Variants in ZNF704 observed in about 807,000 individuals in gnomAD.
The protein encoded by ZNF704 is glucocorticoid induced gene 1.
ZNF704 carries 10 observed loss-of-function variants against 44.7 expected under a neutral mutation model. The observed-to-expected ratio is 0.22, with a 90% CI of 0.14 to 0.38. ZNF704 has a LOEUF of 0.38. ZNF704 is among the 10% of genes least tolerant of loss of function. The pLI is 1.00. For synonymous variants in ZNF704, 211 were observed against 207.6 expected (o/e 1.02, Z -0.14); for missense variants, 390 against 545.5 (o/e 0.71, Z 2.84).
At chr8:80,879,608 A>G (rs1389873854), upstream of ZNF704, among the ~76,000 whole-genome samples, 2 of 152,108 alleles carry the variant, frequency 1.3e-5, no homozygotes, top group African/African-American at 4.8e-5. Flanking sequence ...CCTTAATTTC[A>G]TGAGCCTTCC....
At chr8:80,659,789 T>C (rs1291722677) in intron 6 of ZNF704, 100 bp from the exon 7 acceptor site, 3 of 1,004,380 alleles carry the variant, frequency 3.0e-6, no homozygotes, top group Non-Finnish European at 4.6e-6. Context: ...TGGTCTCAGC[T>C]ATATTAATAA....
intron 7 of ZNF704, among the ~76,000 whole-genome samples, chr8:80,650,858 T>C (rs1310552203): frequency 1.2e-4 from 19 of 152,230 alleles, no homozygotes; most frequent in Middle Eastern, 3.4e-3. Flanking sequence ...CCAAGACACA[T>C]AATTGTCAGA....
In ZNF704 at chr8:80,793,258, G is replaced by A. The variant is rs80307483; in HGVS notation, c.221+28116C>T. Among the ~76,000 whole-genome samples, 295 of 152,226 alleles carry A rather than the reference G, an allele frequency of 1.9e-3. 1 individual carries two copies. The highest frequency in any genetic ancestry group is 6.8e-3 in the African/African-American group (282 of 41,538). On this transcript the variant is annotated intron_variant, in intron 2 of 8. Coordinates refer to ENST00000327835, the MANE Select transcript of ZNF704 (RefSeq NM_001033723.3). The stretch of plus-strand genomic sequence containing the variant: ...TAAGGAGCAATTGACATGGGAACAC[G>A]GGAGAAAAAGTGCGTGTGGAGAAGA...
rs1035367975 is a variant in ZNF704, at chr8:80,667,651, G to A, written c.660-2569C>T. On this transcript the variant is annotated intron_variant, in intron 5 of 8. Coordinates refer to ENST00000327835, the MANE Select transcript of ZNF704 (RefSeq NM_001033723.3). ...CATCATGTGTCACTCCACACACATC[G>A]GTGTATTTGGCAGAGGGTAGGTACC... Among the ~76,000 whole-genome samples, 6 of 152,160 alleles carry A rather than the reference G, an allele frequency of 3.9e-5. No individual in the cohort carries two copies. The South Asian group carries it at 6.2e-4, about 16-fold the overall frequency.
intron 1 of ZNF704, among the ~76,000 whole-genome samples, chr8:80,872,616 C>A (rs1452880872): frequency 6.6e-6 from 1 of 152,206 alleles, no homozygotes; most frequent in Admixed American, 6.5e-5. Context: ...TTGCTGCCCT[C>A]AAAACTTCTT....
chr8:80,866,954 T>C (rs1809165821), intron 1 of ZNF704, among the ~76,000 whole-genome samples: 2 of 152,136 alleles, frequency 1.3e-5, no homozygotes, highest in Non-Finnish European at 2.9e-5. Flanking sequence ...AGGGTAGGGC[T>C]TGACTTCTTG....
chr8:80,763,996 T>C (rs560818376), intron 2 of ZNF704, among the ~76,000 whole-genome samples: 16 of 152,358 alleles, frequency 1.1e-4, no homozygotes, highest in Non-Finnish European at 1.5e-4. Flanking sequence ...CTGGACTTCA[T>C]TGTCCACATC....
chr8:80,763,612 G>A (rs1436894062), intron 2 of ZNF704, among the ~76,000 whole-genome samples: 3 of 152,194 alleles, frequency 2.0e-5, no homozygotes, highest in Non-Finnish European at 2.9e-5. Flanking sequence ...GATGAGAGGG[G>A]CTCCCGTGAA....
At chr8:80,863,962 C>A (rs1446115134) in intron 1 of ZNF704, among the ~76,000 whole-genome samples, 2 of 152,142 alleles carry the variant, frequency 1.3e-5, no homozygotes, top group Non-Finnish European at 2.9e-5. Context: ...AATTCTGTTA[C>A]AACAACACTT....
chr8:80,663,053 G>T lies in ZNF704; in HGVS notation c.927+1762C>A, dbSNP rs188530937. ...AAAAATATTTTCTTAAAATTTGAATGTATTAACATTGTATAAAAACAAATC... is the reference window on the plus strand; with the variant it reads ...AAAAATATTTTCTTAAAATTTGAATTTATTAACATTGTATAAAAACAAATC... On this transcript the variant is annotated intron_variant, in intron 6 of 8. Coordinates refer to ENST00000327835, the MANE Select transcript of ZNF704 (RefSeq NM_001033723.3). Among the ~76,000 whole-genome samples, 863 of 152,240 alleles carry T rather than the reference G, an allele frequency of 5.7e-3. 3 individuals are homozygous for T. Among genetic ancestry groups the T allele is most frequent in the Middle Eastern group, 0.014 (4 of 294 alleles).
At chr8:80,708,629 C>T (rs1421619394) in intron 2 of ZNF704, among the ~76,000 whole-genome samples, 3 of 152,228 alleles carry the variant, frequency 2.0e-5, no homozygotes, top group African/African-American at 7.2e-5. Context: ...ATTTCCACCT[C>T]TGCTAATAAT....
chr8:80,802,483 T>C (rs770714407), intron 2 of ZNF704, among the ~76,000 whole-genome samples: 3 of 152,184 alleles, frequency 2.0e-5, no homozygotes, highest in Admixed American at 1.3e-4. Context: ...ACAGAAAGCT[T>C]ATCCACCACA....
chr8:80,878,311 A>AG (rs1464879388), upstream of ZNF704, among the ~76,000 whole-genome samples: 4 of 149,806 alleles, frequency 2.7e-5, no homozygotes, highest in South Asian at 4.3e-4. Flanking sequence ...GAAGGAAGGA[A>AG]GAAAATCAGG....
intron 1 of ZNF704, among the ~76,000 whole-genome samples, chr8:80,832,299 C>G (rs1022612142): frequency 6.6e-6 from 1 of 152,068 alleles, no homozygotes; most frequent in African/African-American, 2.4e-5. Context: ...GATGCAACTT[C>G]CTAAGACAGG....
chr8:80,632,160 G>GT lies in ZNF704; in HGVS notation c.*9205dup, dbSNP rs1002810830. The GT allele has an allele frequency of 1.1e-4, 16 of 152,182 alleles. No homozygotes were observed. The highest frequency in any genetic ancestry group is 1.5e-4 in the Non-Finnish European group (10 of 68,004). 9.4% of individuals were successfully genotyped at this position (152,182 alleles called of 1,614,324 possible). A position where few individuals can be genotyped will look rare whatever the true frequency, so the allele number is the denominator to read the frequency against. On this transcript the variant is annotated 3_prime_UTR_variant, in exon 9 of 9. Coordinates refer to ENST00000327835, the MANE Select transcript of ZNF704 (RefSeq NM_001033723.3). The stretch of plus-strand genomic sequence containing the variant: ...TCAGAAGAAATAGATGAGCACCTTT[G>GT]TTTTTTTCTGTTTAAAGGAAATTTC...
At chr8:80,818,958 A>C (rs1808219820) in intron 2 of ZNF704, among the ~76,000 whole-genome samples, 1 of 152,196 alleles carries the variant, frequency 6.6e-6, no homozygotes, top group Admixed American at 6.5e-5. Flanking sequence ...ATTATAATCC[A>C]CAATGCTTGA....
intron 1 of ZNF704, among the ~76,000 whole-genome samples, chr8:80,841,138 GGTA>G (rs1808671129): frequency 6.6e-6 from 1 of 152,122 alleles, no homozygotes; most frequent in African/African-American, 2.4e-5. Flanking sequence ...CAGATGCCTG[GGTA>G]GCACCAGGAA....
intron 2 of ZNF704, among the ~76,000 whole-genome samples, chr8:80,802,776 CACAAG>C (rs1807923754): frequency 6.6e-6 from 1 of 152,140 alleles, no homozygotes. Flanking sequence ...TGAAAACCAA[CACAAG>C]ACAAGTATGC....
At chr8:80,649,939 C>T (rs1440878112) in intron 7 of ZNF704, among the ~76,000 whole-genome samples, 2 of 152,156 alleles carry the variant, frequency 1.3e-5, no homozygotes, top group Non-Finnish European at 2.9e-5. Context: ...ACACCTCACA[C>T]GGCCGGGTAC....
Sources: allele counts gnomAD v4.1 joint callset (sites outside exome capture counted in the v4.1 genomes callset), GRCh38; gene constraint gnomAD v4.1.1; transcripts MANE v1.5; gene names NCBI Gene and HGNC (gene_info 2026-07-23, HGNC 2026-07-21).